Variants in MCPH1 observed in about 807,000 individuals in gnomAD.
The protein encoded by MCPH1 is microcephalin 1.
A neutral mutation model predicts 84.5 loss-of-function variants in MCPH1; 104 were observed. The observed-to-expected ratio is 1.23, with a 90% CI of 1.05 to 1.45. The LOEUF (loss-of-function observed/expected upper bound fraction) is 1.45. MCPH1 is among the 40% of genes most tolerant of loss of function. MCPH1 has a pLI of 0.00. For missense variants in MCPH1, 1,498 were observed against 1,005.7 expected, an observed-to-expected ratio of 1.49 and a Z score of -6.62; for synonymous variants, 514 against 366.8, an observed-to-expected ratio of 1.40 and a Z score of -4.58.
At chr8:6,642,093 C>G (rs568428099) in intron 13 of MCPH1, among the ~76,000 whole-genome samples, 1 of 152,248 alleles carries the variant, frequency 6.6e-6, no homozygotes, top group African/African-American at 2.4e-5. Context: ...TTGTACCATA[C>G]CACCAGGATA....
intron 12 of MCPH1, among the ~76,000 whole-genome samples, chr8:6,540,281 G>A (rs772604094): frequency 1.6e-4 from 24 of 152,042 alleles, no homozygotes; most frequent in Non-Finnish European, 3.4e-4. Context: ...ATTTGATAAG[G>A]AAATGTGCTT....
chr8:6,447,042 T>A lies in MCPH1; in HGVS notation c.1825+1495T>A, dbSNP rs1804495704. 18 of 985,220 alleles carry A rather than the reference T, an allele frequency of 1.8e-5. No homozygotes were observed. In the South Asian group the frequency reaches 8.0e-4, roughly 44 times the overall value. 61.0% of individuals were successfully genotyped at this position (985,220 alleles called of 1,614,324 possible). On this transcript the variant is annotated intron_variant, in intron 8 of 13. Transcript: ENST00000344683. ...GGCAGGGCCCGGGTGCAAGAAAACA[T>A]TCTGTGTGCGCTAGTGCGAGAGGAT... is the stretch of plus-strand genomic sequence containing the variant.
At chr8:6,526,257 TAAAAAAA>T (rs35519559) in intron 12 of MCPH1, among the ~76,000 whole-genome samples, 28 of 77,502 alleles carry the variant, frequency 3.6e-4, no homozygotes, top group South Asian at 1.2e-3. Context: ...TTGCCTCTAC[TAAAAAAA>T]AAAAAAAAAA....
At chr8:6,507,988 A>G (rs1268200906) in intron 12 of MCPH1, 1 of 152,192 alleles carries the variant, frequency 6.6e-6, no homozygotes, top group African/African-American at 2.4e-5. Flanking sequence ...TTTTTGGCTT[A>G]TGAGTGTGGT....
intron 12 of MCPH1, among the ~76,000 whole-genome samples, chr8:6,509,292 T>C (rs1814452174): frequency 6.6e-6 from 1 of 152,236 alleles, no homozygotes; most frequent in Non-Finnish European, 1.5e-5. Context: ...CACATATCAC[T>C]TGCACAACTA....
intron 12 of MCPH1, among the ~76,000 whole-genome samples, chr8:6,593,139 A>G (rs1278510157): frequency 6.9e-6 from 1 of 144,052 alleles, no homozygotes; most frequent in Middle Eastern, 3.3e-3. Context: ...GCTGCAGTGC[A>G]ATGGCACAAT....
chr8:6,610,440 A>C (rs1489198674), intron 12 of MCPH1, among the ~76,000 whole-genome samples: 3 of 152,194 alleles, frequency 2.0e-5, no homozygotes, highest in Non-Finnish European at 4.4e-5. Context: ...AACCATCCCA[A>C]AGTCTGGCGT....
At position 6,436,143 on chromosome 8, in the gene MCPH1, A is replaced by G; in HGVS notation, c.417A>G (p.Gln139=). 1 of 1,613,580 alleles carries G rather than the reference A, an allele frequency of 6.2e-7. No homozygotes were observed. Among genetic ancestry groups the G allele is most frequent in the Non-Finnish European group, 8.5e-7 (1 of 1,179,746 alleles). ...TTGAGAAAATGGCTAAAGAGCTACA[A>G]AGGCAAAAAACAAATCTAGGTAAGC... ...KKFEKMAKEL[Q]RQKTNLDDDV... Residue 139 remains glutamine, a synonymous_variant, in exon 5 of 14, where the codon CAA becomes CAG. Transcript: ENST00000344683.
chr8:6,513,891 T>C, intron 12 of MCPH1: 1 of 1,542,764 alleles, frequency 6.5e-7, no homozygotes, highest in Non-Finnish European at 8.8e-7. Context: ...AATTTTTTCT[T>C]TGTATATTTG....
At chr8:6,430,318 A>G (rs1005577330) in intron 3 of MCPH1, among the ~76,000 whole-genome samples, 1 of 152,176 alleles carries the variant, frequency 6.6e-6, no homozygotes, top group South Asian at 2.1e-4. Flanking sequence ...CATTCAGTGT[A>G]TTGGGGTGGC....
chr8:6,625,589 T>A (rs967148872), intron 13 of MCPH1: 10 of 985,164 alleles, frequency 1.0e-5, no homozygotes, highest in Non-Finnish European at 1.1e-5. Flanking sequence ...ATTAAATTTA[T>A]TCAAACTGGA....
chr8:6,534,747 C>T (rs1012779510), intron 12 of MCPH1, among the ~76,000 whole-genome samples: 1 of 152,164 alleles, frequency 6.6e-6, no homozygotes, highest in Non-Finnish European at 1.5e-5. Context: ...TCTTACTAAC[C>T]GTTTCTCAGA....
chr8:6,569,068 A>G (rs1277087026), intron 12 of MCPH1, among the ~76,000 whole-genome samples: 1 of 152,194 alleles, frequency 6.6e-6, no homozygotes, highest in Non-Finnish European at 1.5e-5. Flanking sequence ...ATCAGTCAAC[A>G]TGTTTATATA....
In MCPH1 at chr8:6,639,038, C is replaced by A. The variant is rs148906473; in HGVS notation, c.2453-3956C>A. 2.4e-4 allele frequency among the ~76,000 whole-genome samples: 36 copies of A among 152,296 alleles called. No individual in the cohort carries two copies. The East Asian group carries it at 6.8e-3, about 29-fold the overall frequency. ...GGCCATGAGAGGTGTAAGGTACAGACTTTGTTGTGAGGTTACATGTAGGCT... is the reference window on the plus strand; with the variant it reads ...GGCCATGAGAGGTGTAAGGTACAGAATTTGTTGTGAGGTTACATGTAGGCT... On this transcript the variant is annotated intron_variant, in intron 13 of 13. Transcript: ENST00000344683.
chr8:6,548,117 T>C (rs1297242327), intron 12 of MCPH1, among the ~76,000 whole-genome samples: 2 of 152,190 alleles, frequency 1.3e-5, no homozygotes, highest in East Asian at 3.9e-4. Context: ...TTTTGGCTGC[T>C]CTTTGGGATT....
Position 6,621,604 on chromosome 8 carries a change from G to T in MCPH1, c.2365G>T (p.Val789Phe). Residue 789 changes from valine to phenylalanine, a missense_variant, in exon 13 of 14, where the codon GTC (valine) becomes TTC (phenylalanine). By Grantham distance (50) the Val-to-Phe change is conservative. Coordinates refer to ENST00000344683, the MANE Select transcript of MCPH1 (RefSeq NM_024596.5). ...CCTGTGCGGAGGCCGGGTCAGCCAA[G>T]TCCCCCGCCAGGCCAGCATCGTCAT... ...VHLCGGRVSQ[V>F]PRQASIVIGP... is the part of the protein sequence containing the mutation. The T allele has an allele frequency of 6.2e-7, 1 of 1,614,242 alleles. No homozygotes were observed. Among genetic ancestry groups the T allele is most frequent in the Non-Finnish European group, 8.5e-7 (1 of 1,180,044 alleles).
At chr8:6,600,018 A>T (rs1829238089) in intron 12 of MCPH1, among the ~76,000 whole-genome samples, 1 of 152,224 alleles carries the variant, frequency 6.6e-6, no homozygotes, top group African/African-American at 2.4e-5. Flanking sequence ...ATTTGCTAGG[A>T]AGCGGTCAAT....
At chr8:6,445,688 T>C (rs750977095) in intron 8 of MCPH1, 141 bp downstream of exon 8, 12 of 1,436,310 alleles carry the variant, frequency 8.4e-6, no homozygotes, top group Non-Finnish European at 1.1e-5. Flanking sequence ...CATTTGATCA[T>C]TCCAATGATA....
At chr8:6,497,788 AG>A (rs1432892334) in intron 11 of MCPH1, among the ~76,000 whole-genome samples, 1 of 152,222 alleles carries the variant, frequency 6.6e-6, no homozygotes, top group Non-Finnish European at 1.5e-5. Flanking sequence ...ATACAAATAC[AG>A]AAAAAAACTT....
Sources: allele counts gnomAD v4.1 joint callset (sites outside exome capture counted in the v4.1 genomes callset), GRCh38; gene constraint gnomAD v4.1.1; transcripts MANE v1.5; gene names NCBI Gene and HGNC (gene_info 2026-07-23, HGNC 2026-07-21).